PTPRG: variants seen among roughly 807,000 people sequenced by gnomAD.
The protein encoded by PTPRG is receptor-type tyrosine-protein phosphatase gamma.
PTPRG carries 102 observed loss-of-function variants against 165.3 expected under a neutral mutation model. That is an observed-to-expected ratio of 0.62 (90% confidence interval 0.53 to 0.73). The LOEUF (loss-of-function observed/expected upper bound fraction) is 0.73. Ranked by LOEUF, PTPRG falls within the 30% of genes least tolerant of loss-of-function variation. PTPRG has a pLI of 0.00. For missense variants in PTPRG, 1,866 were observed against 1,861.4 expected (o/e 1.00, Z -0.05); for synonymous variants, 675 against 669.5 (o/e 1.01, Z -0.13).
chr3:62,158,050 T>C (rs1559580831), intron 7 of PTPRG, among the ~76,000 whole-genome samples: 1 of 152,124 alleles, frequency 6.6e-6, no homozygotes, highest in Non-Finnish European at 1.5e-5. Flanking sequence ...ACCACTATAT[T>C]GTACTGCTTC....
chr3:61,869,570 TC>T (rs2037504112), intron 2 of PTPRG, among the ~76,000 whole-genome samples: 1 of 143,800 alleles, frequency 7.0e-6, no homozygotes, highest in Non-Finnish European at 1.5e-5. Context: ...TCCCCTCCCC[TC>T]CCCTCCCCTC....
At position 61,983,684 on chromosome 3, in the gene PTPRG, C is replaced by G. The variant is rs191129329; in HGVS notation, c.191-5941C>G. On this transcript the variant is annotated intron_variant, in intron 2 of 29. Transcript: ENST00000474889. ...GAATCATATATAGGTATGTGAAATT[C>G]CTTGCTTTTAGACAAAAGTATGATT... Among the ~76,000 whole-genome samples the G allele has an allele frequency of 3.1e-3, 476 of 152,100 alleles. 1 individual carries two copies. Among genetic ancestry groups the G allele is most frequent in the Non-Finnish European group, 4.8e-3 (326 of 67,938 alleles).
intron 8 of PTPRG, among the ~76,000 whole-genome samples, chr3:62,183,161 G>C (rs200765298): frequency 6.6e-6 from 1 of 152,326 alleles, no homozygotes; most frequent in African/African-American, 2.4e-5. Context: ...GGTAATGATA[G>C]AGCCAGCAGC....
intron 5 of PTPRG, among the ~76,000 whole-genome samples, chr3:62,098,861 G>A (rs1368844614): frequency 6.6e-6 from 1 of 152,186 alleles, no homozygotes; most frequent in South Asian, 2.1e-4. Context: ...TAGAACTGAA[G>A]GGAATGCATA....
chr3:61,753,716 C>T (rs1362970809), intron 2 of PTPRG: 15 of 403,800 alleles, frequency 3.7e-5, no homozygotes, highest in South Asian at 2.6e-4. Context: ...GCTTCAGCCT[C>T]TCAAGTAGCT....
At chr3:61,789,119 T>G (rs1016088853) in intron 2 of PTPRG, among the ~76,000 whole-genome samples, 5 of 152,160 alleles carry the variant, frequency 3.3e-5, no homozygotes, top group African/African-American at 1.2e-4. Context: ...TTTTCTTTAT[T>G]TGAAGGCTCT....
intron 2 of PTPRG, among the ~76,000 whole-genome samples, chr3:61,849,449 A>T (rs535808611): frequency 6.6e-6 from 1 of 152,338 alleles, no homozygotes; most frequent in Admixed American, 6.5e-5. Flanking sequence ...ATAGGATTCA[A>T]CGTATTTGAA....
intron 2 of PTPRG, among the ~76,000 whole-genome samples, chr3:61,962,713 CTTAT>C (rs2040182254): frequency 4.4e-5 from 5 of 114,892 alleles, no homozygotes; most frequent in African/African-American, 2.4e-4. Flanking sequence ...ATGAATCATA[CTTAT>C]AGTAAGCATT....
At chr3:62,244,670 C>T (rs891842548) in intron 15 of PTPRG, among the ~76,000 whole-genome samples, 1 of 152,200 alleles carries the variant, frequency 6.6e-6, no homozygotes, top group Non-Finnish European at 1.5e-5. Context: ...GCTCCCCCAT[C>T]CTGCTGATCT....
intron 2 of PTPRG, among the ~76,000 whole-genome samples, chr3:61,819,849 T>C (rs2035900616): frequency 6.6e-6 from 1 of 152,190 alleles, no homozygotes; most frequent in African/African-American, 2.4e-5. Context: ...TGATTTATCT[T>C]AATGTGTATG....
At chr3:61,962,077 A>G (rs987575125) in intron 2 of PTPRG, among the ~76,000 whole-genome samples, 2 of 152,150 alleles carry the variant, frequency 1.3e-5, no homozygotes, top group African/African-American at 4.8e-5. Context: ...GGTTTTAAGT[A>G]CGTTGATTTC....
chr3:62,010,878 C>T (rs76085968), intron 4 of PTPRG, among the ~76,000 whole-genome samples: 2,195 of 152,206 alleles, frequency 0.014, 48 homozygotes, highest in African/African-American at 0.05. Context: ...AGGTGATGCA[C>T]GATTTTTGCT....
At chr3:62,276,740 C>T in intron 24 of PTPRG, 2 of 497,326 alleles carry the variant, frequency 4.0e-6, no homozygotes, top group Non-Finnish European at 7.1e-6. Context: ...AAATCTCTCC[C>T]ACAGTAAAAC....
intron 1 of PTPRG, among the ~76,000 whole-genome samples, chr3:61,711,483 T>C (rs2031553783): frequency 6.6e-6 from 1 of 152,250 alleles, no homozygotes; most frequent in Non-Finnish European, 1.5e-5. Flanking sequence ...TGAAATGGTA[T>C]CTCATTGTGG....
At chr3:62,227,241 C>T (rs1700783373) in intron 13 of PTPRG, among the ~76,000 whole-genome samples, 1 of 152,176 alleles carries the variant, frequency 6.6e-6, no homozygotes, top group African/African-American at 2.4e-5. Flanking sequence ...GTTCTTCACC[C>T]ATCTGCTCTA....
chr3:62,154,540 C>T lies in PTPRG; in HGVS notation c.683-2527C>T, dbSNP rs566721039. Among the ~76,000 whole-genome samples, 283 of 152,304 alleles carry T rather than the reference C, an allele frequency of 1.9e-3. 1 individual carries two copies. Among genetic ancestry groups the T allele is most frequent in the Non-Finnish European group, 2.9e-3 (194 of 68,032 alleles). ...TAAGAGTCCGACCCTGCCCAATCAG[C>T]GTTCCCCTTTGAAATCTAATCTCCT... On this transcript the variant is annotated intron_variant, in intron 6 of 29. Transcript: ENST00000474889.
chr3:61,945,095 CA>C lies in PTPRG; in HGVS notation c.191-44529del, dbSNP rs1450427718. Among the ~76,000 whole-genome samples the C allele has an allele frequency of 2.0e-5, 3 of 152,162 alleles. No individual in the cohort carries two copies. The East Asian group carries it at 5.8e-4, about 29-fold the overall frequency. ...TGAAATGTGCCAGCAGTGGACAGAACAGGGGCAGAGGTGATCAGTGACCATT... is the reference window on the plus strand; with the variant it reads ...TGAAATGTGCCAGCAGTGGACAGAACGGGGCAGAGGTGATCAGTGACCATT... On this transcript the variant is annotated intron_variant, in intron 2 of 29. Coordinates refer to ENST00000474889, the MANE Select transcript of PTPRG (RefSeq NM_002841.4).
rs942753415 is a variant in PTPRG at position 61,742,988 on chromosome 3, A to G, written c.86-5890A>G. ...AAGCACTTGTCCTTCTGGGGGTCAT[A>G]GTTCTTCAAGCTGATCTGCAACTCC... is the stretch of plus-strand genomic sequence containing the variant. On this transcript the variant is annotated intron_variant, in intron 1 of 29. Transcript: ENST00000474889. 84 of 1,527,910 alleles carry G rather than the reference A, an allele frequency of 5.5e-5. No homozygotes were observed. The South Asian group carries it at 9.2e-4, about 17-fold the overall frequency. The allele number at this position is 1,527,910 out of a possible 1,614,324, so 94.6% of individuals were successfully genotyped here.
At chr3:62,239,521 C>T (rs1302450271) in intron 14 of PTPRG, among the ~76,000 whole-genome samples, 1 of 151,548 alleles carries the variant, frequency 6.6e-6, no homozygotes, top group Non-Finnish European at 1.5e-5. Context: ...AGGCACGTGC[C>T]ACCACACCTG....
Sources: allele counts gnomAD v4.1 joint callset (sites outside exome capture counted in the v4.1 genomes callset), GRCh38; gene constraint gnomAD v4.1.1; transcripts MANE v1.5; gene names NCBI Gene and HGNC (gene_info 2026-07-23, HGNC 2026-07-21).